Variants in FRS2 observed in about 807,000 individuals in gnomAD.
FRS2 encodes the protein fibroblast growth factor receptor substrate 2.
Under a neutral mutation model 43.9 loss-of-function variants are expected in FRS2, and 8 were observed. The ratio of observed to expected loss-of-function variants is 0.18; its 90% confidence interval spans 0.11 to 0.33. The LOEUF (loss-of-function observed/expected upper bound fraction) is 0.33, where lower values mean the gene tolerates loss of function less well. Ranked by LOEUF, FRS2 falls within the 10% of genes least tolerant of loss-of-function variation. The pLI is 1.00. For missense variants in FRS2, 534 were observed against 627.6 expected (o/e 0.85, Z 1.59); for synonymous variants, 219 against 220.3 (o/e 0.99, Z 0.05).
rs1881227439 is a variant in FRS2, at chr12:69,576,870, G to A, written c.*1915G>A. The stretch of plus-strand genomic sequence containing the variant: ...TCTCTTAAAAGAGAGCAGTGGTATA[G>A]GTGTGCAGTTTCCATGATGCAGGTT... On this transcript the variant is annotated 3_prime_UTR_variant, in exon 9 of 9. Transcript: ENST00000549921. The A allele has an allele frequency of 6.6e-6, 1 of 152,598 alleles. No individual in the cohort carries two copies. The highest frequency in any genetic ancestry group is 2.4e-5 in the African/African-American group (1 of 41,432). 9.5% of individuals were successfully genotyped at this position (152,598 alleles called of 1,614,324 possible).
intron 3 of FRS2, among the ~76,000 whole-genome samples, chr12:69,541,517 A>G (rs552969590): frequency 6.6e-6 from 1 of 152,142 alleles, no homozygotes; most frequent in Non-Finnish European, 1.5e-5. Context: ...CTATTCTAGT[A>G]TAGTTACTGG....
intron 1 of FRS2, among the ~76,000 whole-genome samples, chr12:69,487,053 T>C (rs571269524): frequency 5.3e-5 from 8 of 152,348 alleles, no homozygotes; most frequent in South Asian, 2.1e-4. Flanking sequence ...TTATGTGTTA[T>C]GGTTATATAG....
At chr12:69,472,743 G>T (rs760832282) in intron 1 of FRS2, among the ~76,000 whole-genome samples, 2 of 152,110 alleles carry the variant, frequency 1.3e-5, no homozygotes. Flanking sequence ...AGCAAATAAA[G>T]GTATAGCCAT....
At chr12:69,480,551 A>C (rs756562742) in intron 1 of FRS2, among the ~76,000 whole-genome samples, 25 of 152,290 alleles carry the variant, frequency 1.6e-4, no homozygotes, top group Non-Finnish European at 3.5e-4. Context: ...CTACAACCTC[A>C]AATTTCTGAA....
chr12:69,518,597 C>T lies in FRS2; in HGVS notation c.-260-12268C>T, dbSNP rs145943727. On this transcript the variant is annotated intron_variant, in intron 1 of 8. Coordinates refer to ENST00000549921, the MANE Select transcript of FRS2 (RefSeq NM_001278356.2). ...GGTGTGGTGGCACATGCCTGTAGTCCCAGCTACTTTGGGGGCTGAGGCAAG... is the reference window on the plus strand; with the variant it reads ...GGTGTGGTGGCACATGCCTGTAGTCTCAGCTACTTTGGGGGCTGAGGCAAG... 9.3e-3 allele frequency among the ~76,000 whole-genome samples: 1,414 copies of T among 152,034 alleles called. 24 individuals are homozygous for T. The highest frequency in any genetic ancestry group is 0.031 in the African/African-American group (1,301 of 41,430).
chr12:69,479,021 C>T (rs185410944), intron 1 of FRS2, among the ~76,000 whole-genome samples: 85 of 148,130 alleles, frequency 5.7e-4, no homozygotes, highest in Non-Finnish European at 2.1e-4. Context: ...TATTTTAGTT[C>T]TCCCTGACCT....
chr12:69,532,884 T>G (rs1220600517), intron 3 of FRS2, among the ~76,000 whole-genome samples: 1 of 152,246 alleles, frequency 6.6e-6, no homozygotes, highest in African/African-American at 2.4e-5. Context: ...TTTTAAAAAC[T>G]AAGAGAATTA....
At chr12:69,550,179 C>G (rs1468912854) in intron 3 of FRS2, among the ~76,000 whole-genome samples, 1 of 152,232 alleles carries the variant, frequency 6.6e-6, no homozygotes, top group African/African-American at 2.4e-5. Context: ...AATGTATGTA[C>G]TGTCAACCTC....
intron 8 of FRS2, among the ~76,000 whole-genome samples, chr12:69,572,535 A>AT (rs1880855519): frequency 6.6e-6 from 1 of 152,242 alleles, no homozygotes. Context: ...TAAGAAAGGC[A>AT]TAACTAATGG....
intron 1 of FRS2, among the ~76,000 whole-genome samples, chr12:69,497,595 T>C: frequency 6.6e-6 from 1 of 152,188 alleles, no homozygotes; most frequent in Admixed American, 6.5e-5. Flanking sequence ...TACTAGGTTT[T>C]AACATAAAAT....
intron 1 of FRS2, among the ~76,000 whole-genome samples, chr12:69,508,603 A>AT (rs1874174774): frequency 6.6e-6 from 1 of 152,226 alleles, no homozygotes; most frequent in African/African-American, 2.4e-5. Context: ...TAAAATTAAA[A>AT]TGATATTTGT....
intron 1 of FRS2, among the ~76,000 whole-genome samples, chr12:69,519,527 G>A (rs1278993164): frequency 6.6e-6 from 1 of 152,122 alleles, no homozygotes; most frequent in Non-Finnish European, 1.5e-5. Context: ...GTACCCAATA[G>A]TTATTTTTTT....
rs752037897 is a variant in FRS2 at position 69,574,576 on chromosome 12, A to C, written c.1148A>C (p.His383Pro). The C allele has an allele frequency of 6.2e-7, 1 of 1,614,122 alleles. No individual in the cohort carries two copies. Among genetic ancestry groups the C allele is most frequent in the African/African-American group, 1.3e-5 (1 of 75,060 alleles). Residue 383 changes from histidine to proline, a missense_variant, in exon 9 of 9, where the codon CAT (histidine) becomes CCT (proline). Coordinates refer to ENST00000549921, the MANE Select transcript of FRS2 (RefSeq NM_001278356.2). ...GPKTPSLNGY[H>P]NNLDPMHNYV... ...AAGACCCCATCTCTAAATGGCTACC[A>C]TAATAATCTAGATCCAATGCATAAC...
In FRS2 at chr12:69,577,828, T is replaced by G. The variant is rs1449349059; in HGVS notation, c.*2873T>G. ...GAGATATGCACTTTACTCTTTAAGA[T>G]TCAGCAAAAAGCTTTTCACTTCTCA... On this transcript the variant is annotated 3_prime_UTR_variant, in exon 9 of 9. Coordinates refer to ENST00000549921, the MANE Select transcript of FRS2 (RefSeq NM_001278356.2). 1 of 152,590 alleles carries G rather than the reference T, an allele frequency of 6.6e-6. No individual in the cohort carries two copies. The allele number at this position is 152,590 out of a possible 1,614,324, so 9.5% of individuals were successfully genotyped here.
At chr12:69,536,847 A>ATG (rs1339545571) in intron 3 of FRS2, among the ~76,000 whole-genome samples, 3 of 152,034 alleles carry the variant, frequency 2.0e-5, no homozygotes, top group African/African-American at 7.2e-5. Flanking sequence ...GGAATTACAG[A>ATG]TGTAAGCCAC....
chr12:69,549,712 A>G (rs1046751297), intron 3 of FRS2, among the ~76,000 whole-genome samples: 2 of 152,192 alleles, frequency 1.3e-5, no homozygotes, highest in Non-Finnish European at 2.9e-5. Flanking sequence ...TTTGAAGACA[A>G]TTGTCTGTCT....
chr12:69,506,582 C>G (rs1358565289), intron 1 of FRS2, among the ~76,000 whole-genome samples: 4 of 152,024 alleles, frequency 2.6e-5, no homozygotes, highest in Non-Finnish European at 5.9e-5. Context: ...CTTATCTTTT[C>G]AAATGCTTTT....
intron 1 of FRS2, among the ~76,000 whole-genome samples, chr12:69,480,088 T>A (rs534725314): frequency 6.6e-6 from 1 of 152,222 alleles, no homozygotes. Flanking sequence ...ACTTTTTATT[T>A]AACTATTATG....
chr12:69,505,960 A>G (rs943211343), intron 1 of FRS2, among the ~76,000 whole-genome samples: 2 of 152,140 alleles, frequency 1.3e-5, no homozygotes, highest in Non-Finnish European at 2.9e-5. Flanking sequence ...TTCTTGTTCA[A>G]GAAGTGTTTC....
Sources: allele counts gnomAD v4.1 joint callset (sites outside exome capture counted in the v4.1 genomes callset), GRCh38; gene constraint gnomAD v4.1.1; transcripts MANE v1.5; gene names NCBI Gene and HGNC (gene_info 2026-07-23, HGNC 2026-07-21).